Variants in EML6 observed in about 807,000 individuals in gnomAD.
EML6 encodes the protein echinoderm microtubule-associated protein-like 6.
A neutral mutation model predicts 240.1 loss-of-function variants in EML6; 154 were observed. The observed-to-expected ratio is 0.64, with a 90% CI of 0.56 to 0.73. EML6 has a LOEUF of 0.73. EML6 is among the 30% of genes least tolerant of loss of function. EML6 has a pLI of 0.00. For missense variants in EML6, 2,964 were observed against 2,474.6 expected, an observed-to-expected ratio of 1.20 and a Z score of -4.20; for synonymous variants, 1,148 against 899.0, an observed-to-expected ratio of 1.28 and a Z score of -4.95.
At chr2:54,962,425 T>A in intron 35 of EML6, 98 bp from the exon 36 acceptor site, 1 of 937,374 alleles carries the variant, frequency 1.1e-6, no homozygotes, top group African/African-American at 1.7e-5. Flanking sequence ...GTCATCATTC[T>A]ACTTTCTGTC....
intron 14 of EML6, 187 bp downstream of exon 14, chr2:54,867,071 G>A (rs765412478): frequency 5.6e-5 from 25 of 444,926 alleles, no homozygotes; most frequent in Non-Finnish European, 8.3e-5. Flanking sequence ...CACTTCCCTC[G>A]TTGATGTTCT....
intron 2 of EML6, among the ~76,000 whole-genome samples, chr2:54,737,401 C>T (rs535353153): frequency 6.6e-6 from 1 of 152,218 alleles, no homozygotes; most frequent in East Asian, 1.9e-4. Context: ...CGGGTTCAAG[C>T]GATTCTTCTG....
In EML6 at chr2:54,950,741, A is replaced by T; in HGVS notation, c.4175A>T (p.His1392Leu). The T allele has an allele frequency of 6.4e-7, 1 of 1,551,680 alleles. No homozygotes were observed. Residue 1392 changes from histidine to leucine, a missense_variant, in exon 30 of 42, where the codon CAC (histidine) becomes CTC (leucine). Physicochemically the swap from His to Leu is moderately conservative, Grantham distance 99. Transcript: ENST00000356458. ...YLNDGADIIF[H>L]TAAAGIVQNL... ...AATGATGGCGCTGACATCATCTTCCACACAGCAGCGGCTGGCATCGTTCAG... is the reference window on the plus strand; with the variant it reads ...AATGATGGCGCTGACATCATCTTCCTCACAGCAGCGGCTGGCATCGTTCAG...
At chr2:54,840,838 A>G (rs1324647322) in intron 7 of EML6, among the ~76,000 whole-genome samples, 1 of 152,230 alleles carries the variant, frequency 6.6e-6, no homozygotes, top group Non-Finnish European at 1.5e-5. Flanking sequence ...TAAATACAGT[A>G]AAAGTAGATT....
chr2:54,775,741 A>C (rs1458295799), intron 2 of EML6, among the ~76,000 whole-genome samples: 1 of 152,122 alleles, frequency 6.6e-6, no homozygotes, highest in Non-Finnish European at 1.5e-5. Context: ...TGGAGGAGTG[A>C]GTGTGCTGGA....
In EML6 at chr2:54,765,958, T is replaced by C. The variant is rs1186508362; in HGVS notation, c.197+40700T>C. On this transcript the variant is annotated intron_variant, in intron 2 of 41. Coordinates refer to ENST00000356458, the MANE Select transcript of EML6 (RefSeq NM_001039753.4). ...ATACCTTTCACCCAGATTCCTCAAA[T>C]GTTAAGTATTTTGCCACATTTGCTT... Among the ~76,000 whole-genome samples, 7 of 152,314 alleles carry C rather than the reference T, an allele frequency of 4.6e-5. No homozygotes were observed. The East Asian group carries it at 1.3e-3, about 29-fold the overall frequency.
intron 22 of EML6, among the ~76,000 whole-genome samples, chr2:54,900,633 G>GCAGCC (rs1229429676): frequency 6.6e-6 from 1 of 152,192 alleles, no homozygotes; most frequent in South Asian, 2.1e-4. Flanking sequence ...CCTGCGGGAG[G>GCAGCC]CAGCCAGGGA....
At chr2:54,838,754 G>T (rs1229074539) in intron 7 of EML6, among the ~76,000 whole-genome samples, 2 of 152,164 alleles carry the variant, frequency 1.3e-5, no homozygotes, top group Admixed American at 6.5e-5. Context: ...CTGGCTCTCT[G>T]TACCAAGCAT....
chr2:54,823,817 C>T (rs888469113), intron 5 of EML6, among the ~76,000 whole-genome samples: 2 of 142,536 alleles, frequency 1.4e-5, no homozygotes, highest in Non-Finnish European at 3.0e-5. Context: ...ACCATTTAAT[C>T]TCCCTGAGGC....
chr2:54,952,949 A>G (rs184821725), intron 31 of EML6, among the ~76,000 whole-genome samples: 63 of 152,242 alleles, frequency 4.1e-4, no homozygotes, highest in Admixed American at 2.9e-3. Flanking sequence ...TGGACTTGTA[A>G]GAATAGTTTT....
At chr2:54,871,890 G>A (rs1218409395) in intron 16 of EML6, among the ~76,000 whole-genome samples, 4 of 152,218 alleles carry the variant, frequency 2.6e-5, no homozygotes, top group Non-Finnish European at 5.9e-5. Flanking sequence ...AGCTCACACT[G>A]TGTTCTGTAT....
chr2:54,850,253 A>G (rs765561036), intron 10 of EML6, 35 bp downstream of exon 10: 2 of 1,538,160 alleles, frequency 1.3e-6, no homozygotes, highest in South Asian at 2.4e-5. Flanking sequence ...GTTTCTGGAA[A>G]GCAAAATTTT....
chr2:54,916,366 T>C (rs1330601961), intron 25 of EML6, among the ~76,000 whole-genome samples: 1 of 152,134 alleles, frequency 6.6e-6, no homozygotes, highest in Non-Finnish European at 1.5e-5. Context: ...GCTCTAAACA[T>C]CCTGACACGC....
At chr2:54,726,762 A>G (rs772942502) in intron 2 of EML6, among the ~76,000 whole-genome samples, 2 of 152,366 alleles carry the variant, frequency 1.3e-5, no homozygotes, top group Non-Finnish European at 2.9e-5. Context: ...ACTCATGAAA[A>G]GGTTAGATGT....
At chr2:54,918,282 C>T (rs989630200) in intron 26 of EML6, among the ~76,000 whole-genome samples, 2 of 152,182 alleles carry the variant, frequency 1.3e-5, no homozygotes, top group African/African-American at 4.8e-5. Flanking sequence ...CAGACTGGAA[C>T]AATCACACGT....
intron 35 of EML6, among the ~76,000 whole-genome samples, chr2:54,961,885 T>C (rs1011338665): frequency 6.6e-6 from 1 of 151,378 alleles, no homozygotes; most frequent in Non-Finnish European, 1.5e-5. Context: ...GCACCTGTAG[T>C]CCTAGCTACT....
chr2:54,725,055 G>A lies in EML6; in HGVS notation c.-7G>A. On this transcript the variant is annotated 5_prime_UTR_variant, in exon 2 of 42. Coordinates refer to ENST00000356458, the MANE Select transcript of EML6 (RefSeq NM_001039753.4). The surrounding 1 kb of genome is among the most constrained non-coding windows in gnomAD (Gnocchi z 4.3). ...GGGGGGCGGGGGGCGCGCGGGGTCG[G>A]CTTATCATGGCGGATCGGACGGCGC... 2.6e-6 allele frequency: 4 copies of A among 1,511,292 alleles called. No homozygotes were observed. In the East Asian group the frequency reaches 1.1e-4, roughly 43 times the overall value. The allele number at this position is 1,511,292 out of a possible 1,614,324, so 93.6% of individuals were successfully genotyped here. A position where few individuals can be genotyped will look rare whatever the true frequency, so the allele number is the denominator to read the frequency against.
chr2:54,839,377 G>A (rs1199985118), intron 7 of EML6, among the ~76,000 whole-genome samples: 1 of 152,204 alleles, frequency 6.6e-6, no homozygotes, highest in Non-Finnish European at 1.5e-5. Context: ...GAGTGACCTG[G>A]TATTGTATCT....
chr2:54,953,867 A>G (rs1676102643), intron 31 of EML6, 116 bp from the exon 32 acceptor site: 1 of 854,440 alleles, frequency 1.2e-6, no homozygotes, highest in Non-Finnish European at 1.7e-6. Context: ...GGCCTGGGCA[A>G]CAGAGCAAGA....
Sources: allele counts gnomAD v4.1 joint callset (sites outside exome capture counted in the v4.1 genomes callset), GRCh38; gene constraint gnomAD v4.1.1; non-coding constraint Gnocchi (gnomAD v3.1); transcripts MANE v1.5; gene names NCBI Gene and HGNC (gene_info 2026-07-23, HGNC 2026-07-21).